The following PPP1R12B variants were observed in gnomAD, a reference collection of about 807,000 sequenced individuals.
The protein encoded by PPP1R12B is myosin phosphatase target subunit 2.
PPP1R12B carries 76 observed loss-of-function variants against 126.1 expected under a neutral mutation model. That is an observed-to-expected ratio of 0.60 (90% CI 0.50 to 0.73). The LOEUF is 0.73. PPP1R12B is among the 30% of genes least tolerant of loss of function. The pLI, the probability that PPP1R12B is intolerant of heterozygous loss-of-function variation, is 0.00. For missense variants in PPP1R12B, 1,052 were observed against 1,205.1 expected, an observed-to-expected ratio of 0.87 and a Z score of 1.88; for synonymous variants, 356 against 434.7, an observed-to-expected ratio of 0.82 and a Z score of 2.25.
At chr1:202,451,123 G>T (rs578106976) in intron 13 of PPP1R12B, among the ~76,000 whole-genome samples, 6 of 120,246 alleles carry the variant, frequency 5.0e-5, no homozygotes, top group South Asian at 6.8e-4. Flanking sequence ...TACTGTAAAT[G>T]GGTTTACTTT....
rs541565330 is a variant in PPP1R12B, at chr1:202,453,899, T to A, written c.1850+4728T>A. Among the ~76,000 whole-genome samples, 4 of 152,304 alleles carry A rather than the reference T, an allele frequency of 2.6e-5. No homozygotes were observed. In the East Asian group the frequency reaches 7.7e-4, roughly 29 times the overall value. ...AATAACTGTCTTTTCAAAATTGGTC[T>A]CCAGCCAAGGAAATAGTAATAAATC... On this transcript the variant is annotated intron_variant, in intron 13 of 23. Coordinates refer to ENST00000608999, the MANE Select transcript of PPP1R12B (RefSeq NM_002481.4).
intron 13 of PPP1R12B, among the ~76,000 whole-genome samples, chr1:202,467,314 GCTGCAC>G (rs1675154233): frequency 6.6e-6 from 1 of 151,298 alleles, no homozygotes. Context: ...ATGTTGGTGT[GCTGCAC>G]CCATTAATTC....
intron 13 of PPP1R12B, chr1:202,463,236 T>C: frequency 4.5e-6 from 1 of 222,356 alleles, no homozygotes; most frequent in Non-Finnish European, 7.6e-6. Flanking sequence ...TATAACCAGT[T>C]TGGAACTTCT....
Position 202,422,690 on chromosome 1 carries a change from G to T in PPP1R12B, c.493G>T (p.Glu165Ter). The change falls in exon 3 of 24, where the codon GAA becomes TAA. Residue 165 changes from glutamate (E) to a stop codon, truncating the protein, a stop_gained. Transcript: ENST00000608999. LOFTEE classifies it high-confidence loss of function. ...AGGTGAAGTTCCCTCTGACCTTGCA[G>T]AAGAGCCAGCCATGAAGGATCTTCT... Reference protein sequence around the residue: ...SEGEVPSDLAEEPAMKDLLLE... With the variant: ...SEGEVPSDLA The T allele has an allele frequency of 6.2e-7, 1 of 1,613,870 alleles. No individual in the cohort carries two copies. The highest frequency in any genetic ancestry group is 8.5e-7 in the Non-Finnish European group (1 of 1,179,816).
chr1:202,483,008 C>A (rs1170872005), intron 13 of PPP1R12B, among the ~76,000 whole-genome samples: 3 of 152,156 alleles, frequency 2.0e-5, no homozygotes, highest in Non-Finnish European at 4.4e-5. Flanking sequence ...ACAGTTTCTC[C>A]CCTAATGTGT....
chr1:202,389,221 T>C (rs1387822655), intron 1 of PPP1R12B, among the ~76,000 whole-genome samples: 1 of 152,010 alleles, frequency 6.6e-6, no homozygotes, highest in Non-Finnish European at 1.5e-5. Flanking sequence ...CTGAGTAAAA[T>C]GAAACTCAGA....
chr1:202,493,248 G>A lies in PPP1R12B; in HGVS notation c.2076G>A (p.Glu692=). 3 of 1,613,010 alleles carry A rather than the reference G, an allele frequency of 1.9e-6. No homozygotes were observed. The highest frequency in any genetic ancestry group is 8.5e-7 in the Non-Finnish European group (1 of 1,179,862). The change falls in exon 15 of 24, where the codon GAG becomes GAA. Residue 692 remains glutamate, a synonymous_variant. Transcript: ENST00000608999. The stretch of plus-strand genomic sequence containing the variant: ...TTGAGGGGAGCCCTGAGAAGCATGA[G>A]CCCTCAGCAGTTCCAGCAACAGAAG... The part of the protein sequence containing the change: ...EGLEGSPEKH[E]PSAVPATEAG...
At chr1:202,498,904 G>A (rs1679880495) in intron 18 of PPP1R12B, among the ~76,000 whole-genome samples, 1 of 152,074 alleles carries the variant, frequency 6.6e-6, no homozygotes, top group South Asian at 2.1e-4. Flanking sequence ...CTGCTATTGA[G>A]GTCATGCTGG....
intron 13 of PPP1R12B, among the ~76,000 whole-genome samples, chr1:202,469,890 T>G (rs1675597968): frequency 6.6e-6 from 1 of 152,194 alleles, no homozygotes; most frequent in African/African-American, 2.4e-5. Flanking sequence ...TCCCTGAAAT[T>G]GCTAGCCAAA....
chr1:202,563,626 T>TA (rs56149958), intron 20 of PPP1R12B, among the ~76,000 whole-genome samples: 18,882 of 120,216 alleles, frequency 0.16, 1,309 homozygotes, highest in Middle Eastern at 0.24. Context: ...TTGGTGTTAG[T>TA]AAAAAAAAAA....
intron 14 of PPP1R12B, among the ~76,000 whole-genome samples, chr1:202,489,591 A>G (rs373482716): frequency 5.3e-5 from 8 of 152,378 alleles, no homozygotes; most frequent in African/African-American, 1.9e-4. Context: ...GCTAAGTGAA[A>G]GAAGCCAGAC....
At chr1:202,351,572 A>G (rs889648044) in intron 1 of PPP1R12B, among the ~76,000 whole-genome samples, 2 of 152,002 alleles carry the variant, frequency 1.3e-5, no homozygotes, top group African/African-American at 2.4e-5. Flanking sequence ...ATAAAAGACT[A>G]TTTTCAAATG....
intron 13 of PPP1R12B, among the ~76,000 whole-genome samples, chr1:202,473,326 A>G (rs960099112): frequency 5.9e-5 from 9 of 152,188 alleles, no homozygotes; most frequent in Admixed American, 1.3e-4. Flanking sequence ...CTCTTTCTCT[A>G]TCTAGGTTTA....
chr1:202,558,296 A>C (rs1158359801), intron 18 of PPP1R12B, among the ~76,000 whole-genome samples: 1 of 150,154 alleles, frequency 6.7e-6, no homozygotes, highest in South Asian at 2.1e-4. Context: ...CAGAGTACCT[A>C]CTTTTTTTTT....
intron 8 of PPP1R12B, 46 bp from the exon 9 acceptor site, chr1:202,434,610 A>G: frequency 6.3e-7 from 1 of 1,577,186 alleles, no homozygotes; most frequent in Non-Finnish European, 8.6e-7. Context: ...CACAAAGATA[A>G]GATTTTTATA....
At chr1:202,513,148 A>T (rs1216308637) in intron 18 of PPP1R12B, among the ~76,000 whole-genome samples, 3 of 152,100 alleles carry the variant, frequency 2.0e-5, no homozygotes. Flanking sequence ...TAAATTTTGT[A>T]TTTTTGGTAG....
At chr1:202,391,647 ATCT>A (rs1468546519) in intron 1 of PPP1R12B, among the ~76,000 whole-genome samples, 1 of 106,976 alleles carries the variant, frequency 9.3e-6, no homozygotes, top group Non-Finnish European at 2.0e-5. Context: ...TAAATGAATT[ATCT>A]TCAGGTGTAC....
At chr1:202,371,207 G>C (rs1363325699) in intron 1 of PPP1R12B, among the ~76,000 whole-genome samples, 1 of 136,414 alleles carries the variant, frequency 7.3e-6, no homozygotes, top group Non-Finnish European at 1.6e-5. Context: ...TTTTTGTAGA[G>C]ACAGAGTCCT....
intron 1 of PPP1R12B, among the ~76,000 whole-genome samples, chr1:202,360,595 G>A (rs1657984137): frequency 6.6e-6 from 1 of 151,898 alleles, no homozygotes. Context: ...TGTAATCCCA[G>A]CTACTTGGGA....
Sources: gnomAD v4.1 joint callset for allele counts (sites outside exome capture counted in the v4.1 genomes callset) on GRCh38, gnomAD v4.1.1 for gene constraint, MANE v1.5 for transcripts, NCBI Gene and HGNC (gene_info 2026-07-23, HGNC 2026-07-21) for gene names.